The following HTR2C variants were observed in gnomAD, a reference collection of about 807,000 sequenced individuals.
HTR2C encodes 5-hydroxytryptamine (serotonin) receptor 2C, G protein-coupled.
In HTR2C, 5 loss-of-function variants were observed where a neutral mutation model predicts 21.0. That is an observed-to-expected ratio of 0.24 (90% CI 0.12 to 0.50). The LOEUF is 0.50. Ranked by LOEUF, HTR2C falls within the 20% of genes least tolerant of loss-of-function variation. The pLI, the probability that HTR2C is intolerant of heterozygous loss-of-function variation, is 0.98. For synonymous variants in HTR2C, 150 were observed against 145.3 expected (o/e 1.03, Z -0.23); for missense variants, 271 against 371.2 (o/e 0.73, Z 2.22).
At chrX:114,877,467 T>C (rs1215196608) in intron 5 of HTR2C, among the ~76,000 whole-genome samples, 2 of 111,122 alleles carry the variant, frequency 1.8e-5, no homozygotes, top group African/African-American at 6.5e-5. Context: ...TAATCTTTAT[T>C]ATTTCCTTTC....
At chrX:114,787,731 A>G (rs2070190246) in intron 4 of HTR2C, among the ~76,000 whole-genome samples, 1 of 110,883 alleles carries the variant, frequency 9.0e-6, no homozygotes, top group Non-Finnish European at 1.9e-5. Context: ...GCGGATCACG[A>G]GGTCAGGAGA....
At chrX:114,721,839 G>A (rs1430140763) in intron 2 of HTR2C, among the ~76,000 whole-genome samples, 9 of 108,240 alleles carry the variant, frequency 8.3e-5, no homozygotes, top group Non-Finnish European at 1.1e-4. Context: ...GGTATGCGGC[G>A]TTATTTCTGA....
intron 2 of HTR2C, among the ~76,000 whole-genome samples, chrX:114,676,984 A>G (rs1366697135): frequency 8.9e-6 from 1 of 111,921 alleles, no homozygotes; most frequent in African/African-American, 3.2e-5. Context: ...ATTGTATTTG[A>G]TTTCCTTTCT....
intron 4 of HTR2C, among the ~76,000 whole-genome samples, chrX:114,756,398 G>C (rs2069814207): frequency 8.9e-6 from 1 of 111,746 alleles, no homozygotes; most frequent in South Asian, 3.7e-4. Flanking sequence ...CCTGTCCACT[G>C]ATGTTTATAG....
chrX:114,823,476 A>G (rs782059824), intron 4 of HTR2C: 8 of 346,965 alleles, frequency 2.3e-5, no homozygotes, highest in South Asian at 2.1e-4. Flanking sequence ...AACATCCTGC[A>G]TAGTGCTGCC....
intron 2 of HTR2C, chrX:114,652,683 A>G (rs781837937): frequency 3.7e-5 from 14 of 377,049 alleles, no homozygotes; most frequent in Non-Finnish European, 6.9e-5. Flanking sequence ...TGTTGAAAGA[A>G]TAAATAAACC....
At chrX:114,711,063 A>G (rs987456710) in intron 2 of HTR2C, among the ~76,000 whole-genome samples, 1 of 112,043 alleles carries the variant, frequency 8.9e-6, no homozygotes, top group African/African-American at 3.2e-5. Context: ...AGTATAGGCA[A>G]TATAATATGA....
At chrX:114,793,570 C>T (rs1266001094) in intron 4 of HTR2C, among the ~76,000 whole-genome samples, 2 of 111,630 alleles carry the variant, frequency 1.8e-5, no homozygotes, top group African/African-American at 6.5e-5. Flanking sequence ...TTCCCACCCT[C>T]CTTTAATGGG....
chrX:114,749,287 A>G (rs1290704002), intron 4 of HTR2C, among the ~76,000 whole-genome samples: 1 of 107,258 alleles, frequency 9.3e-6, no homozygotes, highest in Non-Finnish European at 1.9e-5. Flanking sequence ...TGTCTCTATA[A>G]AAAATACAAA....
intron 4 of HTR2C, among the ~76,000 whole-genome samples, chrX:114,745,342 G>A (rs1041935819): frequency 8.9e-6 from 1 of 112,254 alleles, no homozygotes; most frequent in African/African-American, 3.2e-5. Flanking sequence ...CCTGTATACC[G>A]TTGGTGGGAA....
At chrX:114,591,526 G>A (rs934615010) in intron 1 of HTR2C, among the ~76,000 whole-genome samples, 1 of 111,521 alleles carries the variant, frequency 9.0e-6, no homozygotes, top group Admixed American at 9.5e-5. Flanking sequence ...CTTTAGTTTG[G>A]AGGATTATTA....
chrX:114,615,534 AC>A (rs1301768914), intron 2 of HTR2C, among the ~76,000 whole-genome samples: 2 of 111,988 alleles, frequency 1.8e-5, no homozygotes, highest in South Asian at 3.7e-4. Flanking sequence ...GTTAACCTGG[AC>A]ATGCAGGTAA....
intron 4 of HTR2C, among the ~76,000 whole-genome samples, chrX:114,841,871 A>C (rs1414341244): frequency 1.2e-4 from 14 of 112,657 alleles, no homozygotes; most frequent in Non-Finnish European, 1.9e-4. Flanking sequence ...TTAAAAGTAA[A>C]AATAACAAGA....
chrX:114,841,594 C>T (rs1005444969), intron 4 of HTR2C, among the ~76,000 whole-genome samples: 4 of 110,285 alleles, frequency 3.6e-5, no homozygotes, highest in South Asian at 3.9e-4. Context: ...ACAAAAAATT[C>T]GCCTGGAGCG....
At chrX:114,902,407 C>T (rs1462231151) in intron 5 of HTR2C, among the ~76,000 whole-genome samples, 9 of 109,988 alleles carry the variant, frequency 8.2e-5, no homozygotes, top group South Asian at 7.6e-4. Flanking sequence ...TTTGCTTATG[C>T]GGCTTATATT....
intron 2 of HTR2C, among the ~76,000 whole-genome samples, chrX:114,724,611 T>A (rs1365276191): frequency 1.1e-5 from 1 of 94,185 alleles, no homozygotes; most frequent in African/African-American, 3.7e-5. Context: ...TTCCTAGTCT[T>A]GATGGTCTTT....
intron 2 of HTR2C, among the ~76,000 whole-genome samples, chrX:114,650,383 T>C (rs1032274387): frequency 8.9e-6 from 1 of 111,924 alleles, no homozygotes; most frequent in African/African-American, 3.2e-5. Flanking sequence ...GCATACAACA[T>C]GTTAATAATA....
intron 4 of HTR2C, among the ~76,000 whole-genome samples, chrX:114,742,324 G>T (rs2069656860): frequency 9.0e-6 from 1 of 111,319 alleles, no homozygotes; most frequent in Non-Finnish European, 1.9e-5. Flanking sequence ...GCATAGAAAA[G>T]CTTTAGAAAA....
intron 2 of HTR2C, among the ~76,000 whole-genome samples, chrX:114,663,442 C>T (rs1018729929): frequency 1.8e-5 from 2 of 111,537 alleles, no homozygotes; most frequent in Non-Finnish European, 3.8e-5. Flanking sequence ...AAGCTTTGAG[C>T]AAAAATATGC....
Sources: gnomAD v4.1 joint callset for allele counts (sites outside exome capture counted in the v4.1 genomes callset) on GRCh38, gnomAD v4.1.1 for gene constraint, MANE v1.5 for transcripts, NCBI Gene and HGNC (gene_info 2026-07-23, HGNC 2026-07-21) for gene names.